Variants in NT5C3A observed in about 807,000 individuals in gnomAD.
NT5C3A encodes cytosolic 5'-nucleotidase 3A.
A neutral mutation model predicts 40.0 loss-of-function variants in NT5C3A; 23 were observed. The ratio of observed to expected loss-of-function variants is 0.58; its 90% CI spans 0.41 to 0.81. The LOEUF (loss-of-function observed/expected upper bound fraction) is 0.81. Among genes scored for constraint, NT5C3A ranks in the 40% least tolerant of loss-of-function variants. The probability of loss-of-function intolerance (pLI) is 0.00; values close to 1 mark genes in which losing one functional copy is unlikely to be tolerated. For synonymous variants in NT5C3A, 130 were observed against 141.4 expected, an observed-to-expected ratio of 0.92 and a Z score of 0.57; for missense variants, 328 against 403.0, an observed-to-expected ratio of 0.81 and a Z score of 1.59.
chr7:33,055,852 T>C (rs566428840), intron 1 of NT5C3A, among the ~76,000 whole-genome samples: 1 of 152,308 alleles, frequency 6.6e-6, no homozygotes, highest in South Asian at 2.1e-4. Context: ...GGCTCATGCC[T>C]GCAATCCCAG....
At chr7:33,038,966 G>C (rs1197562586) in intron 1 of NT5C3A, 1 of 449,940 alleles carries the variant, frequency 2.2e-6, no homozygotes, top group Non-Finnish European at 4.4e-6. Context: ...TAAGTCTTCA[G>C]AGTCTTTAAA....
chr7:33,032,616 C>T lies in NT5C3A; in HGVS notation c.139-5701G>A, dbSNP rs570197896. On this transcript the variant is annotated intron_variant, in intron 1 of 8. Transcript: ENST00000610140. Reference sequence around the variant, plus strand: ...GACTACAGGGGCTCACCACCACCCTCGGCTAATTTTTGCATTTTTTTGTAG... The same window carrying T: ...GACTACAGGGGCTCACCACCACCCTTGGCTAATTTTTGCATTTTTTTGTAG... 7.3e-5 allele frequency among the ~76,000 whole-genome samples: 11 copies of T among 151,630 alleles called. No homozygotes were observed. In the East Asian group the frequency reaches 9.9e-4, roughly 14 times the overall value.
At chr7:33,052,723 T>A (rs1219498952) in intron 1 of NT5C3A, among the ~76,000 whole-genome samples, 1 of 152,194 alleles carries the variant, frequency 6.6e-6, no homozygotes, top group African/African-American at 2.4e-5. Context: ...CACATAAAAT[T>A]TGCATTTTGC....
intron 1 of NT5C3A, among the ~76,000 whole-genome samples, chr7:33,042,112 G>A (rs1474111077): frequency 6.6e-6 from 1 of 152,104 alleles, no homozygotes; most frequent in Non-Finnish European, 1.5e-5. Context: ...CTAGGCGGGT[G>A]GATCACCTGA....
intron 6 of NT5C3A, among the ~76,000 whole-genome samples, chr7:33,019,182 G>A (rs1379322596): frequency 4.6e-5 from 7 of 152,026 alleles, no homozygotes; most frequent in African/African-American, 9.7e-5. Flanking sequence ...TTGAGCCCAG[G>A]AGGCAGAGGT....
chr7:33,018,020 G>T (rs1039035597), intron 6 of NT5C3A, among the ~76,000 whole-genome samples: 1 of 152,096 alleles, frequency 6.6e-6, no homozygotes, highest in African/African-American at 2.4e-5. Flanking sequence ...TCTCTAAAAT[G>T]AAATTTAAAA....
chr7:33,017,217 T>C, intron 7 of NT5C3A: 1 of 520,574 alleles, frequency 1.9e-6, no homozygotes, highest in Non-Finnish European at 3.3e-6. Flanking sequence ...GTTTTACTAC[T>C]TTTATTATTA....
chr7:33,024,003 T>A (rs780842955), intron 3 of NT5C3A, 36 bp downstream of exon 3: 1 of 1,193,686 alleles, frequency 8.4e-7, no homozygotes, highest in South Asian at 1.2e-5. Context: ...AATGATGACA[T>A]GCTTTTGTGA....
At chr7:33,015,632 T>A (rs1562583631) in intron 8 of NT5C3A, 38 bp downstream of exon 8, 3 of 1,346,788 alleles carry the variant, frequency 2.2e-6, no homozygotes, top group Non-Finnish European at 3.2e-6. Flanking sequence ...TTCATCCTAA[T>A]ATTTTCTTCG....
intron 1 of NT5C3A, among the ~76,000 whole-genome samples, chr7:33,048,700 A>C (rs528555690): frequency 6.6e-6 from 1 of 152,172 alleles, no homozygotes; most frequent in Non-Finnish European, 1.5e-5. Context: ...AATCATCTCC[A>C]ATGATTATGG....
At chr7:33,057,605 A>G (rs558643020) in intron 1 of NT5C3A, among the ~76,000 whole-genome samples, 1 of 152,334 alleles carries the variant, frequency 6.6e-6, no homozygotes, top group East Asian at 1.9e-4. Flanking sequence ...CACATCAGCT[A>G]CTTAAGTAAT....
intron 3 of NT5C3A, 133 bp from the exon 4 acceptor site, chr7:33,022,232 G>A (rs1317709173): frequency 3.1e-6 from 2 of 634,928 alleles, no homozygotes; most frequent in Non-Finnish European, 5.7e-6. Context: ...TTTAAGTAAT[G>A]CCAAGTCAAC....
intron 1 of NT5C3A, among the ~76,000 whole-genome samples, chr7:33,034,871 A>G (rs1260330738): frequency 6.6e-6 from 1 of 152,244 alleles, no homozygotes; most frequent in Non-Finnish European, 1.5e-5. Flanking sequence ...AGAGAAAACA[A>G]GAGATCATGA....
At chr7:33,017,055 C>T (rs968152174) in intron 7 of NT5C3A, 8 of 173,932 alleles carry the variant, frequency 4.6e-5, no homozygotes, top group Admixed American at 1.8e-4. Flanking sequence ...TGGTGGCAGA[C>T]GCTTGTAATC....
At chr7:33,051,390 C>T (rs755670908) in intron 1 of NT5C3A, among the ~76,000 whole-genome samples, 108 of 152,092 alleles carry the variant, frequency 7.1e-4, no homozygotes, top group Non-Finnish European at 1.3e-3. Flanking sequence ...TCTCGAACTC[C>T]TGACTTTGTG....
chr7:33,030,747 C>T (rs1361497263), intron 1 of NT5C3A, among the ~76,000 whole-genome samples: 1 of 152,162 alleles, frequency 6.6e-6, no homozygotes, highest in Non-Finnish European at 1.5e-5. Flanking sequence ...TTATCCACAA[C>T]TCAATTGTTT....
intron 1 of NT5C3A, among the ~76,000 whole-genome samples, chr7:33,054,196 A>G (rs1030347457): frequency 5.3e-5 from 8 of 152,078 alleles, no homozygotes; most frequent in Non-Finnish European, 1.0e-4. Flanking sequence ...TCTACAAAAA[A>G]TACAAAAATA....
At chr7:33,035,075 A>T (rs1786513216) in intron 1 of NT5C3A, among the ~76,000 whole-genome samples, 1 of 152,090 alleles carries the variant, frequency 6.6e-6, no homozygotes, top group East Asian at 1.9e-4. Context: ...GTTACTAGGA[A>T]CTTGACGTTT....
intron 1 of NT5C3A, among the ~76,000 whole-genome samples, chr7:33,053,917 T>C (rs1787468880): frequency 6.6e-6 from 1 of 152,088 alleles, no homozygotes; most frequent in African/African-American, 2.4e-5. Flanking sequence ...GTTGAAAATG[T>C]GGTTAACTTG....
Sources: allele counts gnomAD v4.1 joint callset (sites outside exome capture counted in the v4.1 genomes callset), GRCh38; gene constraint gnomAD v4.1.1; transcripts MANE v1.5; gene names NCBI Gene and HGNC (gene_info 2026-07-23, HGNC 2026-07-21).